DHRS7B: variants seen among roughly 807,000 people sequenced by gnomAD.
DHRS7B encodes the protein peroxisomal reductase activating PPAR-gamma.
Under a neutral mutation model 26.4 loss-of-function variants are expected in DHRS7B, and 24 were observed. The ratio of observed to expected loss-of-function variants is 0.91; its 90% CI spans 0.66 to 1.28. DHRS7B has a LOEUF of 1.28. Among genes scored for constraint, DHRS7B ranks in the 50% most tolerant of loss-of-function variants. The pLI is 0.00. For synonymous variants in DHRS7B, 142 were observed against 166.4 expected, an observed-to-expected ratio of 0.85 and a Z score of 1.13; for missense variants, 368 against 419.4, an observed-to-expected ratio of 0.88 and a Z score of 1.07.
intron 1 of DHRS7B, among the ~76,000 whole-genome samples, chr17:21,155,461 A>G (rs1303531047): frequency 6.6e-6 from 1 of 152,222 alleles, no homozygotes; most frequent in African/African-American, 2.4e-5. Context: ...TATACACATA[A>G]TAGAGCATCA....
At chr17:21,179,762 C>CTTTTTTTTTTTTTTTTTTTT (rs55928399) in intron 3 of DHRS7B, among the ~76,000 whole-genome samples, 2 of 137,606 alleles carry the variant, frequency 1.5e-5, no homozygotes, top group Non-Finnish European at 3.2e-5. Context: ...TTTTCACTTT[C>CTTTTTTTTTTTTTTTTTTTT]TTTTTTTTTT....
rs751420575 is a variant in DHRS7B at position 21,183,698 on chromosome 17, A to G, written c.414A>G (p.Ile138Met). 1 of 1,614,166 alleles carries G rather than the reference A, an allele frequency of 6.2e-7. No individual in the cohort carries two copies. The highest frequency in any genetic ancestry group is 1.7e-5 in the Admixed American group (1 of 60,010). ...TGCAGTGCTTTGGCTATGTCGACAT[A>G]CTTGTCAACAATGCTGGGATCAGCT... ...EILQCFGYVD[I>M]LVNNAGISYR... The change falls in exon 4 of 7, where the codon ATA becomes ATG. Residue 138 changes from isoleucine to methionine, a missense_variant. Transcript: ENST00000395511.
intron 3 of DHRS7B, among the ~76,000 whole-genome samples, chr17:21,179,656 G>A (rs1974468461): frequency 6.6e-6 from 1 of 151,804 alleles, no homozygotes; most frequent in South Asian, 2.1e-4. Flanking sequence ...TCAGGTTGTT[G>A]TTTGTTGTTG....
intron 2 of DHRS7B, among the ~76,000 whole-genome samples, chr17:21,176,188 A>G (rs746862104): frequency 7.9e-5 from 12 of 151,868 alleles, no homozygotes; most frequent in Non-Finnish European, 1.3e-4. Flanking sequence ...CAAGATTCCT[A>G]TGTTTCCCAG....
chr17:21,142,106 C>T (rs1044806282), intron 1 of DHRS7B, among the ~76,000 whole-genome samples: 2 of 152,130 alleles, frequency 1.3e-5, no homozygotes, highest in East Asian at 3.8e-4. Context: ...CATCGGCAGG[C>T]TAGTGTCTTA....
chr17:21,155,273 A>G (rs913521543), intron 1 of DHRS7B, among the ~76,000 whole-genome samples: 12 of 152,326 alleles, frequency 7.9e-5, no homozygotes, highest in Admixed American at 3.3e-4. Flanking sequence ...AAAGACACAT[A>G]TAGATTAAAC....
At chr17:21,162,986 A>G (rs1974030445) in intron 1 of DHRS7B, among the ~76,000 whole-genome samples, 2 of 152,092 alleles carry the variant, frequency 1.3e-5, no homozygotes, top group Admixed American at 1.3e-4. Context: ...ATCTGAGGTG[A>G]GGACTTCGAG....
intron 1 of DHRS7B, among the ~76,000 whole-genome samples, chr17:21,164,327 A>G (rs1407742892): frequency 6.6e-6 from 1 of 152,034 alleles, no homozygotes; most frequent in Non-Finnish European, 1.5e-5. Context: ...CCACTGGGCC[A>G]GCCTTGCTTA....
At chr17:21,177,377 G>A (rs1974405131) in intron 2 of DHRS7B, among the ~76,000 whole-genome samples, 1 of 152,202 alleles carries the variant, frequency 6.6e-6, no homozygotes, top group South Asian at 2.1e-4. Flanking sequence ...CCCAGTGTGA[G>A]TTTAGTTTCT....
intron 1 of DHRS7B, among the ~76,000 whole-genome samples, chr17:21,146,041 C>T (rs1973636352): frequency 6.6e-6 from 1 of 152,180 alleles, no homozygotes; most frequent in South Asian, 2.1e-4. Flanking sequence ...ACCTAACACC[C>T]CCTCAGATAG....
intron 2 of DHRS7B, among the ~76,000 whole-genome samples, chr17:21,174,631 T>C (rs1974333237): frequency 6.6e-6 from 1 of 152,218 alleles, no homozygotes; most frequent in South Asian, 2.1e-4. Flanking sequence ...GAAGCAAAAC[T>C]CAAACAGGTT....
At chr17:21,133,629 T>G (rs1973285108) in intron 1 of DHRS7B, among the ~76,000 whole-genome samples, 1 of 152,236 alleles carries the variant, frequency 6.6e-6, no homozygotes, top group East Asian at 1.9e-4. Context: ...ATTTCCCCAC[T>G]TTTCTTTTTT....
intron 1 of DHRS7B, among the ~76,000 whole-genome samples, chr17:21,155,570 T>C (rs565600672): frequency 1.3e-5 from 2 of 152,310 alleles, no homozygotes; most frequent in East Asian, 1.9e-4. Flanking sequence ...AAAGACAGAT[T>C]TGGCATGCAG....
At position 21,135,544 on chromosome 17, in the gene DHRS7B, C is replaced by T. The variant is rs546643036; in HGVS notation, c.20+8553C>T. On this transcript the variant is annotated intron_variant, in intron 1 of 6. Transcript: ENST00000395511. ...ATTTCAAAAACAAAAAGGTGAAAAC[C>T]TTTATTTGTTGAGAGAGAAGAATTA... 3.4e-4 allele frequency among the ~76,000 whole-genome samples: 51 copies of T among 152,170 alleles called. 1 individual carries two copies. In the East Asian group the frequency reaches 6.6e-3, roughly 20 times the overall value.
chr17:21,137,636 T>C (rs544322262), intron 1 of DHRS7B, among the ~76,000 whole-genome samples: 1 of 152,232 alleles, frequency 6.6e-6, no homozygotes, highest in Admixed American at 6.5e-5. Flanking sequence ...TTTATATTTT[T>C]AGTAGAGACG....
chr17:21,180,446 A>G (rs976695295), intron 3 of DHRS7B, among the ~76,000 whole-genome samples: 2 of 152,180 alleles, frequency 1.3e-5, no homozygotes, highest in Non-Finnish European at 2.9e-5. Context: ...GGTATTAGGT[A>G]AGAGTCCAAT....
At chr17:21,169,922 C>G (rs547282684) in intron 1 of DHRS7B, among the ~76,000 whole-genome samples, 4 of 152,166 alleles carry the variant, frequency 2.6e-5, no homozygotes, top group Admixed American at 2.6e-4. Flanking sequence ...CTGGGCCATT[C>G]TGGACAAGGC....
intron 1 of DHRS7B, among the ~76,000 whole-genome samples, chr17:21,155,401 A>G (rs1044580131): frequency 1.3e-5 from 2 of 152,250 alleles, no homozygotes; most frequent in African/African-American, 4.8e-5. Flanking sequence ...AAAGAGCATT[A>G]CATTATGACC....
At chr17:21,150,121 A>ACAAAC (rs1208673154) in intron 1 of DHRS7B, among the ~76,000 whole-genome samples, 4 of 150,014 alleles carry the variant, frequency 2.7e-5, no homozygotes, top group Non-Finnish European at 4.4e-5. Flanking sequence ...AAAAAAAAAA[A>ACAAAC]AAAAAAAAAA....
Sources: allele counts gnomAD v4.1 joint callset (sites outside exome capture counted in the v4.1 genomes callset), GRCh38; gene constraint gnomAD v4.1.1; transcripts MANE v1.5; gene names NCBI Gene and HGNC (gene_info 2026-07-23, HGNC 2026-07-21).